LOC128462377: variants seen among roughly 807,000 people sequenced by gnomAD.
At chr16:89,393,468 C>T in the LOC128462377 span, among the ~76,000 whole-genome samples, 10 of 148,246 alleles carry the variant, frequency 6.7e-5, no homozygotes, top group African/African-American at 2.5e-4. Context: ...GGATTACAGG[C>T]GTGTGCCACC....
At chr16:89,317,650 G>C in the LOC128462377 span, among the ~76,000 whole-genome samples, 10 of 152,166 alleles carry the variant, frequency 6.6e-5, no homozygotes, top group African/African-American at 2.4e-4. Flanking sequence ...CAGCAGCTCC[G>C]AGGTCCCAAC....
chr16:89,400,969 G>C, the LOC128462377 span, among the ~76,000 whole-genome samples: 1 of 152,168 alleles, frequency 6.6e-6, no homozygotes, highest in African/African-American at 2.4e-5. Context: ...CGTCTGCCCC[G>C]GGGCTGCCTG....
At chr16:89,384,538 C>CTGGGA in the LOC128462377 span, among the ~76,000 whole-genome samples, 80,182 of 148,124 alleles carry the variant, frequency 0.54, 21,648 homozygotes, top group Middle Eastern at 0.73. Context: ...TGGGATGGGA[C>CTGGGA]TGGGATGGGA....
chr16:89,342,892 G>A, the LOC128462377 span, among the ~76,000 whole-genome samples: 10 of 152,200 alleles, frequency 6.6e-5, no homozygotes, highest in African/African-American at 2.4e-4. Context: ...AAGGGACGGA[G>A]GTGAATGAAA....
the LOC128462377 span, among the ~76,000 whole-genome samples, chr16:89,348,383 C>G: frequency 6.6e-6 from 1 of 152,120 alleles, no homozygotes; most frequent in Non-Finnish European, 1.5e-5. Context: ...TATCGCTATC[C>G]TTTCTATCTC....
At chr16:89,336,664 G>A in the LOC128462377 span, among the ~76,000 whole-genome samples, 3 of 152,318 alleles carry the variant, frequency 2.0e-5, no homozygotes, top group East Asian at 1.9e-4. Flanking sequence ...GGTGGGCCAC[G>A]ACAGGGAGCA....
the LOC128462377 span, among the ~76,000 whole-genome samples, chr16:89,349,570 C>T: frequency 6.6e-6 from 1 of 152,166 alleles, no homozygotes; most frequent in Non-Finnish European, 1.5e-5. Flanking sequence ...ATCTTTTCCA[C>T]AAATGATGCT....
At chr16:89,388,639 C>T in the LOC128462377 span, among the ~76,000 whole-genome samples, 2 of 152,280 alleles carry the variant, frequency 1.3e-5, no homozygotes, top group African/African-American at 4.8e-5. Context: ...CTGAAGGAGG[C>T]TGCATAGAGC....
At chr16:89,334,706 T>A in the LOC128462377 span, among the ~76,000 whole-genome samples, 1 of 152,054 alleles carries the variant, frequency 6.6e-6, no homozygotes, top group Non-Finnish European at 1.5e-5. Context: ...ACCCCAGGGA[T>A]GAGCAGCACA....
the LOC128462377 span, among the ~76,000 whole-genome samples, chr16:89,398,688 G>T: frequency 6.6e-6 from 1 of 152,162 alleles, no homozygotes. Context: ...GCTGCAGTGA[G>T]CTATATGACT....
the LOC128462377 span, among the ~76,000 whole-genome samples, chr16:89,354,295 A>T: frequency 6.6e-6 from 1 of 151,438 alleles, no homozygotes. Flanking sequence ...ATCTCACCCT[A>T]GAATTTGAAA....
At chr16:89,362,025 C>T in the LOC128462377 span, among the ~76,000 whole-genome samples, 1 of 152,144 alleles carries the variant, frequency 6.6e-6, no homozygotes, top group African/African-American at 2.4e-5. Flanking sequence ...TGGGAGGGGG[C>T]AAGACTAACC....
the LOC128462377 span, among the ~76,000 whole-genome samples, chr16:89,368,402 T>TTA: frequency 1.1e-5 from 1 of 94,730 alleles, no homozygotes; most frequent in African/African-American, 4.0e-5. Context: ...TTTTTTTTTT[T>TTA]AGTAGAGATG....
At chr16:89,323,639 A>G in the LOC128462377 span, 1 of 326,062 alleles carries the variant, frequency 3.1e-6, no homozygotes, top group Non-Finnish European at 5.9e-6. Flanking sequence ...AGAGGCCCTC[A>G]CAGGAACCAG....
chr16:89,401,228 G>A, the LOC128462377 span, among the ~76,000 whole-genome samples: 35 of 152,084 alleles, frequency 2.3e-4, no homozygotes, highest in Admixed American at 2.0e-3. Flanking sequence ...CAAGACGGCC[G>A]CCACCACGCC....
At chr16:89,374,629 C>T in the LOC128462377 span, among the ~76,000 whole-genome samples, 5 of 152,314 alleles carry the variant, frequency 3.3e-5, no homozygotes, top group South Asian at 8.3e-4. Flanking sequence ...AACAGCTGCT[C>T]GGGCCATCTC....
At chr16:89,356,066 G>T in the LOC128462377 span, among the ~76,000 whole-genome samples, 1 of 152,238 alleles carries the variant, frequency 6.6e-6, no homozygotes, top group Non-Finnish European at 1.5e-5. Flanking sequence ...GGGCACTGGA[G>T]TGAGACTTGT....
chr16:89,417,123 A>G, the LOC128462377 span, among the ~76,000 whole-genome samples: 1 of 152,162 alleles, frequency 6.6e-6, no homozygotes, highest in African/African-American at 2.4e-5. Flanking sequence ...CCTCACCTCT[A>G]TTTCCAAGGA....
chr16:89,318,841 C>T, the LOC128462377 span, among the ~76,000 whole-genome samples: 2 of 152,204 alleles, frequency 1.3e-5, no homozygotes, highest in African/African-American at 2.4e-5. Context: ...CACCTCCACC[C>T]GCGGTGCAGG....
Sources: gnomAD v4.1 joint callset for allele counts (sites outside exome capture counted in the v4.1 genomes callset) on GRCh38, gnomAD v4.1.1 for gene constraint, MANE v1.5 for transcripts.